The following PAPPA2 variants were observed in gnomAD, a reference collection of about 807,000 sequenced individuals.
The protein encoded by PAPPA2 is pappalysin-2.
Under a neutral mutation model 176.4 loss-of-function variants are expected in PAPPA2, and 86 were observed. The observed-to-expected ratio is 0.49, with a 90% CI of 0.41 to 0.58. The LOEUF (loss-of-function observed/expected upper bound fraction) is 0.58. Among genes scored for constraint, PAPPA2 ranks in the 20% least tolerant of loss-of-function variants. The pLI, the probability that PAPPA2 is intolerant of heterozygous loss-of-function variation, is 0.00. For missense variants in PAPPA2, 2,073 were observed against 2,256.9 expected (o/e 0.92, Z 1.65); for synonymous variants, 809 against 852.2 (o/e 0.95, Z 0.88).
intron 4 of PAPPA2, among the ~76,000 whole-genome samples, chr1:176,675,946 T>G (rs773091140): frequency 6.6e-6 from 1 of 152,038 alleles, no homozygotes; most frequent in Non-Finnish European, 1.5e-5. Context: ...TTACTACAGA[T>G]GATATACAGA....
chr1:176,579,203 C>T (rs1288029514), intron 2 of PAPPA2, among the ~76,000 whole-genome samples: 1 of 152,082 alleles, frequency 6.6e-6, no homozygotes, highest in Non-Finnish European at 1.5e-5. Flanking sequence ...TGGGCTATCT[C>T]ACTTTTCTTT....
At chr1:176,680,802 T>C (rs1233836670) in intron 4 of PAPPA2, among the ~76,000 whole-genome samples, 1 of 152,188 alleles carries the variant, frequency 6.6e-6, no homozygotes, top group Non-Finnish European at 1.5e-5. Context: ...CCAAAGTAGT[T>C]CTTGTGTCTG....
At chr1:176,765,940 C>A in intron 15 of PAPPA2, 103 bp downstream of exon 15, 1 of 1,357,148 alleles carries the variant, frequency 7.4e-7, no homozygotes, top group Non-Finnish European at 9.9e-7. Context: ...GTTTTTAAAC[C>A]ATTTGAAAGC....
At chr1:176,765,882 G>C in intron 15 of PAPPA2, 45 bp downstream of exon 15, 2 of 1,598,890 alleles carry the variant, frequency 1.3e-6, no homozygotes, top group Non-Finnish European at 1.7e-6. Context: ...TCCTGGGAAG[G>C]GGAGGTATTC....
rs562143207 is a variant in PAPPA2 at position 176,796,816 on chromosome 1, T to C, written c.5130+3147T>C. Among the ~76,000 whole-genome samples, 5 of 151,026 alleles carry C rather than the reference T, an allele frequency of 3.3e-5. No individual in the cohort carries two copies. In the South Asian group the frequency reaches 1.1e-3, roughly 32 times the overall value. ...TTTCTTCCTCCCTCTCTCTCCTCTT[T>C]CTTTCTCCCTCTTTCTCTTTCTGAC... On this transcript the variant is annotated intron_variant, in intron 20 of 22. Coordinates refer to ENST00000367662, the MANE Select transcript of PAPPA2 (RefSeq NM_020318.3).
At chr1:176,622,656 GT>G (rs1655659719) in intron 3 of PAPPA2, among the ~76,000 whole-genome samples, 1 of 152,138 alleles carries the variant, frequency 6.6e-6, no homozygotes, top group Non-Finnish European at 1.5e-5. Flanking sequence ...AGGTTAAGGT[GT>G]TGACTTTGAG....
chr1:176,597,685 T>TA (rs1255934746), intron 3 of PAPPA2, among the ~76,000 whole-genome samples: 1 of 151,252 alleles, frequency 6.6e-6, no homozygotes, highest in South Asian at 2.1e-4. Flanking sequence ...AAGTATAATT[T>TA]AAAAAAAAAG....
chr1:176,823,539 G>A (rs564728149), intron 21 of PAPPA2, among the ~76,000 whole-genome samples: 1 of 152,172 alleles, frequency 6.6e-6, no homozygotes, highest in Non-Finnish European at 1.5e-5. Context: ...TAAAATTGCA[G>A]TGATTTACCA....
chr1:176,607,867 A>T (rs887414986), intron 3 of PAPPA2, among the ~76,000 whole-genome samples: 1 of 152,204 alleles, frequency 6.6e-6, no homozygotes, highest in Admixed American at 6.5e-5. Context: ...TCTTTGTCAC[A>T]TCTGCCTAGC....
At position 176,740,180 on chromosome 1, in the gene PAPPA2, A is replaced by G; in HGVS notation, c.4135A>G (p.Asn1379Asp). The change falls in exon 14 of 23, where the codon AAT becomes GAT. Residue 1379 changes from asparagine to aspartate, a missense_variant. By Grantham distance (23) the Asn-to-Asp change is conservative. Coordinates refer to ENST00000367662, the MANE Select transcript of PAPPA2 (RefSeq NM_020318.3). ...SNCISEDEGQ[N>D]HQGQSCIHRP... ...CTGCATCTCAGAGGACGAGGGGCAGAATCATCAGGGACAGAGGTACAAACT... is the reference window on the plus strand; with the variant it reads ...CTGCATCTCAGAGGACGAGGGGCAGGATCATCAGGGACAGAGGTACAAACT... 6.2e-7 allele frequency: 1 copy of G among 1,613,732 alleles called. No homozygotes were observed. Among genetic ancestry groups the G allele is most frequent in the Non-Finnish European group, 8.5e-7 (1 of 1,179,780 alleles).
intron 2 of PAPPA2, among the ~76,000 whole-genome samples, chr1:176,570,984 A>G (rs2102613382): frequency 6.6e-6 from 1 of 152,130 alleles, no homozygotes. Flanking sequence ...CAAGCTGCTT[A>G]GCAGTGGAAG....
chr1:176,535,482 C>T (rs900602607), intron 1 of PAPPA2, among the ~76,000 whole-genome samples: 1 of 152,180 alleles, frequency 6.6e-6, no homozygotes, highest in South Asian at 2.1e-4. Context: ...AGACATAATA[C>T]ACAAATAGCT....
chr1:176,788,115 C>T (rs534715284), intron 17 of PAPPA2, among the ~76,000 whole-genome samples: 67 of 152,244 alleles, frequency 4.4e-4, no homozygotes, highest in African/African-American at 1.6e-3. Flanking sequence ...TATAATGATT[C>T]AACTTGGTGT....
At position 176,695,774 on chromosome 1, in the gene PAPPA2, T is replaced by A. The variant is rs1027599932; in HGVS notation, c.2661T>A (p.Asp887Glu). ...GCTTGTGTGGCGCTTGCACTGAAGA[T>A]GGGACCTTTCGTCAGTATGTGCACA... ...SGSLCGACTE[D>E]GTFRQYVHTA... The change falls in exon 7 of 23, where the codon GAT becomes GAA. Residue 887 changes from aspartate (D) to glutamate (E), a missense_variant. By Grantham distance (45) the Asp-to-Glu change is conservative (BLOSUM62 2). Transcript: ENST00000367662. The A allele has an allele frequency of 1.2e-5, 19 of 1,613,960 alleles. No individual in the cohort carries two copies. The highest frequency in any genetic ancestry group is 1.5e-5 in the Non-Finnish European group (18 of 1,179,980).
At chr1:176,726,208 G>A (rs1287922723) in intron 12 of PAPPA2, among the ~76,000 whole-genome samples, 5 of 152,222 alleles carry the variant, frequency 3.3e-5, no homozygotes, top group South Asian at 2.1e-4. Context: ...TTTAGCTCAA[G>A]GATTATTTCT....
chr1:176,555,970 G>C lies in PAPPA2; in HGVS notation c.-353G>C, dbSNP rs1651253714. On this transcript the variant is annotated 5_prime_UTR_variant, in exon 2 of 23. Coordinates refer to ENST00000367662, the MANE Select transcript of PAPPA2 (RefSeq NM_020318.3). ...AGGGGAGGGATTACTGAAGAAGAAG[G>C]GGGGAAAAAAAAAGAAAGAAATCTG... is the stretch of plus-strand genomic sequence containing the variant. 1 of 232,066 alleles carries C rather than the reference G, an allele frequency of 4.3e-6. No homozygotes were observed. Among genetic ancestry groups the C allele is most frequent in the Non-Finnish European group, 8.4e-6 (1 of 118,982 alleles). The allele number at this position is 232,066 out of a possible 1,614,324, so 14.4% of individuals were successfully genotyped here. A position where few individuals can be genotyped will look rare whatever the true frequency, so the allele number is the denominator to read the frequency against.
intron 14 of PAPPA2, among the ~76,000 whole-genome samples, chr1:176,760,503 C>T: frequency 6.6e-6 from 1 of 152,072 alleles, no homozygotes; most frequent in Admixed American, 6.5e-5. Flanking sequence ...CCACTGCAGG[C>T]CTATGGAATC....
At chr1:176,743,043 T>C (rs1421886993) in intron 14 of PAPPA2, among the ~76,000 whole-genome samples, 48 of 152,150 alleles carry the variant, frequency 3.2e-4, no homozygotes, top group Admixed American at 3.0e-3. Flanking sequence ...ATGATCTTTG[T>C]CTTGGACAAA....
chr1:176,517,854 G>A (rs1649000774), intron 1 of PAPPA2, among the ~76,000 whole-genome samples: 1 of 151,600 alleles, frequency 6.6e-6, no homozygotes, highest in Non-Finnish European at 1.5e-5. Context: ...AATGAGAAGA[G>A]CTCAGAATTC....
Sources: gnomAD v4.1 joint callset for allele counts (sites outside exome capture counted in the v4.1 genomes callset) on GRCh38, gnomAD v4.1.1 for gene constraint, MANE v1.5 for transcripts, NCBI Gene and HGNC (gene_info 2026-07-23, HGNC 2026-07-21) for gene names.